CCNL1: variants seen among roughly 807,000 people sequenced by gnomAD.
CCNL1 encodes cyclin-L1.
CCNL1 carries 13 observed loss-of-function variants against 60.6 expected under a neutral mutation model. That is an observed-to-expected ratio of 0.21 (90% confidence interval 0.14 to 0.34). CCNL1 has a LOEUF of 0.34. Among genes scored for constraint, CCNL1 ranks in the 10% least tolerant of loss-of-function variants. CCNL1 has a pLI of 1.00. For synonymous variants in CCNL1, 270 were observed against 244.3 expected (o/e 1.10, Z -0.98); for missense variants, 481 against 664.3 (o/e 0.72, Z 3.03).
chr3:157,144,808 T>G (rs2108102445), downstream of CCNL1, among the ~76,000 whole-genome samples: 1 of 152,378 alleles, frequency 6.6e-6, no homozygotes, highest in African/African-American at 2.4e-5. Context: ...ATTTTGAAAC[T>G]TATCTTCATA....
chr3:157,144,891 ACT>A (rs147005566), downstream of CCNL1, among the ~76,000 whole-genome samples: 3 of 152,284 alleles, frequency 2.0e-5, no homozygotes, highest in Admixed American at 6.5e-5. Context: ...ATTTTTGGAA[ACT>A]CTCATGAAAA....
intron 5 of CCNL1, chr3:157,150,646 T>TA: frequency 8.7e-7 from 1 of 1,150,678 alleles, no homozygotes; most frequent in Non-Finnish European, 1.1e-6. Context: ...AAATTACTCC[T>TA]AAAAAGTTAA....
intron 8 of CCNL1, 106 bp downstream of exon 8, chr3:157,149,730 G>T: frequency 6.8e-7 from 1 of 1,479,010 alleles, no homozygotes; most frequent in Non-Finnish European, 9.2e-7. Context: ...CATAGCAGCA[G>T]TTTCCTAACA....
At position 157,150,237 on chromosome 3, in the gene CCNL1, T is replaced by C. The variant is rs766282271; in HGVS notation, c.774+45A>G. The C allele has an allele frequency of 4.3e-6, 7 of 1,610,240 alleles. No individual in the cohort carries two copies. In the East Asian group the frequency reaches 1.1e-4, roughly 26 times the overall value. On this transcript the variant is annotated intron_variant, in intron 6 of 10. Coordinates refer to ENST00000295926, the MANE Select transcript of CCNL1 (RefSeq NM_020307.4). ...AATCTGTATTGGAACCACCGAAAAT[T>C]TGTGTGATTTATCCTACAGAACAAA... is the stretch of plus-strand genomic sequence containing the variant.
In CCNL1 at chr3:157,148,267, A is replaced by G; in HGVS notation, c.1555T>C (p.Ser519Pro). Residue 519 changes from serine (S) to proline (P), a missense_variant, in exon 11 of 11, where the codon TCA becomes CCA. Physicochemically the swap from Ser to Pro is moderately conservative, Grantham distance 74. Transcript: ENST00000295926. ...HKSKHHGGSRSGHGRHRR is the reference protein window; with the variant it reads ...HKSKHHGGSRPGHGRHRR Reference sequence around the variant, plus strand: ...CAGCGCCTGTGCCTGCCATGTCCTGAGCGACTGCCACCATGGTGCTTGCTT... The same window carrying G: ...CAGCGCCTGTGCCTGCCATGTCCTGGGCGACTGCCACCATGGTGCTTGCTT... 5.6e-6 allele frequency: 9 copies of G among 1,614,114 alleles called. No individual in the cohort carries two copies. Among genetic ancestry groups the G allele is most frequent in the Non-Finnish European group, 7.6e-6 (9 of 1,179,992 alleles).
At chr3:157,150,848 T>C in intron 5 of CCNL1, 15 of 987,112 alleles carry the variant, frequency 1.5e-5, no homozygotes, top group Non-Finnish European at 1.8e-5. Context: ...AAAGGCATTT[T>C]CAGTAAGTAC....
At chr3:157,143,859 A>T (rs1737709505), downstream of CCNL1, among the ~76,000 whole-genome samples, 1 of 152,186 alleles carries the variant, frequency 6.6e-6, no homozygotes, top group African/African-American at 2.4e-5. Context: ...TTGATGGGAG[A>T]GGCTGGCAAG....
At chr3:157,150,808 A>C (rs1738130306) in intron 5 of CCNL1, 1 of 989,506 alleles carries the variant, frequency 1.0e-6, no homozygotes. Flanking sequence ...AGTTCTTTTC[A>C]AAAGCTCAAA....
chr3:157,159,553 C>T (rs1738905777), intron 1 of CCNL1, 74 bp from the exon 2 acceptor site: 4 of 1,394,676 alleles, frequency 2.9e-6, no homozygotes, highest in South Asian at 2.4e-5. Flanking sequence ...CATTTTGTGC[C>T]GCCGATCGCT....
intron 5 of CCNL1, chr3:157,151,002 G>A (rs1738150811): frequency 1.0e-6 from 1 of 985,046 alleles, no homozygotes; most frequent in East Asian, 1.1e-4. Flanking sequence ...TTAAAAAATT[G>A]CTGAACTTTT....
At chr3:157,154,933 T>TACATACATAC (rs1553850934) in intron 3 of CCNL1, among the ~76,000 whole-genome samples, 81 of 147,886 alleles carry the variant, frequency 5.5e-4, no homozygotes, top group African/African-American at 1.4e-3. Context: ...TCTCCATATA[T>TACATACATAC]ATACATACAT....
downstream of CCNL1, among the ~76,000 whole-genome samples, chr3:157,144,888 G>A (rs1737736392): frequency 1.3e-5 from 2 of 152,278 alleles, no homozygotes; most frequent in South Asian, 4.1e-4. Context: ...ATTATTTTTG[G>A]AAACTCTCAT....
At position 157,148,589 on chromosome 3, in the gene CCNL1, G is replaced by C; in HGVS notation, c.1233C>G (p.His411Gln). Residue 411 changes from histidine to glutamine, a missense_variant and splice_region_variant, in exon 11 of 11, where the codon CAC becomes CAG. By Grantham distance (24) the His-to-Gln change is conservative (BLOSUM62 0). Transcript: ENST00000295926. ...CAGATCGACTCCGCCTATTATTATA[G>C]CTTAGATAATAAAAATTTGAAGTTT... ...SRSRSHTPRR[H>Q]YNNRRSRSGT... The C allele has an allele frequency of 6.3e-7, 1 of 1,577,118 alleles. No individual in the cohort carries two copies.
intron 1 of CCNL1, 22 bp downstream of exon 1, chr3:157,159,770 G>A: frequency 6.6e-7 from 1 of 1,509,888 alleles, no homozygotes; most frequent in Admixed American, 2.1e-5. Flanking sequence ...GCGCCCGGCC[G>A]GCCCGGGGCC....
At chr3:157,150,945 T>C in intron 5 of CCNL1, 1 of 984,252 alleles carries the variant, frequency 1.0e-6, no homozygotes, top group Non-Finnish European at 1.2e-6. Flanking sequence ...AATGGCCTTG[T>C]TTACATACCT....
intron 3 of CCNL1, 99 bp downstream of exon 3, chr3:157,158,767 G>A (rs1738821219): frequency 1.7e-5 from 12 of 704,576 alleles, no homozygotes; most frequent in Non-Finnish European, 2.9e-5. Context: ...GTTTTCTTTT[G>A]CATCCGTATT....
intron 3 of CCNL1, among the ~76,000 whole-genome samples, chr3:157,155,933 T>A (rs1281636583): frequency 6.6e-6 from 1 of 152,242 alleles, no homozygotes; most frequent in Non-Finnish European, 1.5e-5. Context: ...AAGTTTCTAT[T>A]GTCCAATTTT....
At chr3:157,153,240 CAACT>C in intron 3 of CCNL1, 84 bp from the exon 4 acceptor site, 2 of 1,378,332 alleles carry the variant, frequency 1.5e-6, no homozygotes, top group Non-Finnish European at 2.0e-6. Flanking sequence ...CCCTTCCAAC[CAACT>C]ATTGGCAACA....
At chr3:157,149,253 A>G (rs781609472) in intron 10 of CCNL1, 34 bp downstream of exon 10, 8 of 1,501,482 alleles carry the variant, frequency 5.3e-6, no homozygotes, top group South Asian at 4.5e-5. Flanking sequence ...AAAACTCCAA[A>G]TAAGACTGCT....
Sources: gnomAD v4.1 joint callset for allele counts (sites outside exome capture counted in the v4.1 genomes callset) on GRCh38, gnomAD v4.1.1 for gene constraint, MANE v1.5 for transcripts, NCBI Gene and HGNC (gene_info 2026-07-23, HGNC 2026-07-21) for gene names.